RREB1: variants seen among roughly 807,000 people sequenced by gnomAD.
RREB1 encodes ras responsive element binding protein 1, also known as ras-responsive element-binding protein 1.
A neutral mutation model predicts 117.8 loss-of-function variants in RREB1; 27 were observed. That is an observed-to-expected ratio of 0.23 (90% CI 0.17 to 0.32). The LOEUF (loss-of-function observed/expected upper bound fraction) is 0.32, where lower values mean the gene tolerates loss of function less well. RREB1 is among the 10% of genes least tolerant of loss of function. The pLI, the probability that RREB1 is intolerant of heterozygous loss-of-function variation, is 1.00. For synonymous variants in RREB1, 1,298 were observed against 1,026.7 expected, an observed-to-expected ratio of 1.26 and a Z score of -5.05; for missense variants, 2,577 against 2,378.2, an observed-to-expected ratio of 1.08 and a Z score of -1.74.
At chr6:7,129,725 G>T (rs1762074705) in intron 1 of RREB1, among the ~76,000 whole-genome samples, 1 of 152,210 alleles carries the variant, frequency 6.6e-6, no homozygotes, top group African/African-American at 2.4e-5. Context: ...CCTTCGAGAG[G>T]GGTAACATCC....
chr6:7,209,401 T>G (rs926775865), intron 6 of RREB1, among the ~76,000 whole-genome samples: 2 of 152,168 alleles, frequency 1.3e-5, no homozygotes, highest in African/African-American at 4.8e-5. Context: ...CAGCCTTTCT[T>G]TTTTGCTCCT....
At chr6:7,206,292 G>A (rs1377606255) in intron 6 of RREB1, among the ~76,000 whole-genome samples, 1 of 152,194 alleles carries the variant, frequency 6.6e-6, no homozygotes, top group African/African-American at 2.4e-5. Context: ...AGTCCCTTCA[G>A]TGTGGCACTG....
At chr6:7,189,880 G>A (rs1204137209) in intron 6 of RREB1, among the ~76,000 whole-genome samples, 1 of 152,112 alleles carries the variant, frequency 6.6e-6, no homozygotes, top group Non-Finnish European at 1.5e-5. Context: ...ACAGTAGAGT[G>A]GTAGACATAT....
At chr6:7,201,602 T>C (rs1031913544) in intron 6 of RREB1, among the ~76,000 whole-genome samples, 2 of 149,032 alleles carry the variant, frequency 1.3e-5, no homozygotes, top group African/African-American at 2.5e-5. Flanking sequence ...ACCTTTGGCA[T>C]GTCTGTGTGC....
At chr6:7,222,466 C>T (rs1017829883) in intron 8 of RREB1, among the ~76,000 whole-genome samples, 1 of 152,168 alleles carries the variant, frequency 6.6e-6, no homozygotes, top group Non-Finnish European at 1.5e-5. Context: ...CCCACATCCC[C>T]CTACCACCCA....
intron 11 of RREB1, among the ~76,000 whole-genome samples, chr6:7,243,987 C>T (rs902745483): frequency 8.6e-5 from 13 of 152,000 alleles, no homozygotes; most frequent in African/African-American, 3.1e-4. Context: ...ACCAGTCGGG[C>T]GTGGTGGCGC....
rs9505071 is a variant in RREB1 at position 7,194,265 on chromosome 6, A to G, written c.425+4943A>G. ...TATAAATATTTTTTTAAAAGCAGGCATTGGCCGGGTACAGTGGATCACACC... is the reference window on the plus strand; with the variant it reads ...TATAAATATTTTTTTAAAAGCAGGCGTTGGCCGGGTACAGTGGATCACACC... On this transcript the variant is annotated intron_variant, in intron 6 of 12. Transcript: ENST00000379938. Among the ~76,000 whole-genome samples the G allele has an allele frequency of 6.5e-3, 991 of 152,236 alleles. 10 individuals carry two copies. Among genetic ancestry groups the G allele is most frequent in the African/African-American group, 0.022 (923 of 41,552 alleles).
chr6:7,181,958 C>T lies in RREB1; in HGVS notation c.47C>T (p.Ser16Phe). 1.2e-6 allele frequency: 2 copies of T among 1,614,184 alleles called. No individual in the cohort carries two copies. Among genetic ancestry groups the T allele is most frequent in the East Asian group, 2.2e-5 (1 of 44,886 alleles). ...PAGLEGSDLS[S>F]INTMMSAVMS... ...GGCTTGGAAGGTTCAGACCTATCTT[C>T]CATCAACACCATGATGTCGGCGGTC... The change falls in exon 4 of 13, where the codon TCC becomes TTC. Residue 16 changes from serine (S) to phenylalanine (F), a missense_variant. Physicochemically the swap from Ser to Phe is radical, Grantham distance 155. Transcript: ENST00000379938.
At chr6:7,212,922 A>G (rs1385586967) in intron 8 of RREB1, 1 of 152,244 alleles carries the variant, frequency 6.6e-6, no homozygotes, top group Non-Finnish European at 1.5e-5. Context: ...GAACTTACGA[A>G]GAATTTAAAC....
chr6:7,165,485 G>A (rs1319380482), intron 1 of RREB1, among the ~76,000 whole-genome samples: 1 of 152,142 alleles, frequency 6.6e-6, no homozygotes, highest in African/African-American at 2.4e-5. Flanking sequence ...AGCAGGACTT[G>A]GTTTCAAAAG....
chr6:7,131,319 TATTAA>T (rs1160758737), intron 1 of RREB1, among the ~76,000 whole-genome samples: 1 of 152,234 alleles, frequency 6.6e-6, no homozygotes, highest in African/African-American at 2.4e-5. Flanking sequence ...ACAACAGTCC[TATTAA>T]ATTGGTATAA....
chr6:7,126,019 T>TTTG (rs2113333913), intron 1 of RREB1, among the ~76,000 whole-genome samples: 1 of 104,872 alleles, frequency 9.5e-6, no homozygotes, highest in African/African-American at 2.8e-5. Flanking sequence ...TTGTTTGTTT[T>TTTG]GAGACGGAGT....
intron 1 of RREB1, among the ~76,000 whole-genome samples, chr6:7,169,659 G>C (rs890999627): frequency 7.2e-5 from 11 of 152,180 alleles, no homozygotes; most frequent in African/African-American, 2.7e-4. Context: ...AGGAAGACAT[G>C]CTCCCTGGAG....
At chr6:7,153,153 CCA>C (rs1166544599) in intron 1 of RREB1, among the ~76,000 whole-genome samples, 2 of 115,722 alleles carry the variant, frequency 1.7e-5, no homozygotes, top group African/African-American at 6.6e-5. Context: ...ATGTTTCATT[CCA>C]CAGTCTGGTA....
At chr6:7,181,066 C>G (rs1764769989) in intron 2 of RREB1, 58 bp from the exon 3 acceptor site, 1 of 397,096 alleles carries the variant, frequency 2.5e-6, no homozygotes, top group African/African-American at 2.1e-5. Flanking sequence ...TAAATGATTT[C>G]AGTTTTTTCT....
At chr6:7,125,017 A>G (rs1761848032) in intron 1 of RREB1, among the ~76,000 whole-genome samples, 1 of 152,216 alleles carries the variant, frequency 6.6e-6, no homozygotes, top group Non-Finnish European at 1.5e-5. Context: ...CATCGAGGGG[A>G]AAACTGTTCT....
At chr6:7,234,852 T>C (rs1561801825) in intron 10 of RREB1, among the ~76,000 whole-genome samples, 1 of 152,202 alleles carries the variant, frequency 6.6e-6, no homozygotes, top group South Asian at 2.1e-4. Flanking sequence ...CAGGGTCCGG[T>C]TCTGTGCAAC....
chr6:7,118,026 A>C (rs544522923), intron 1 of RREB1, among the ~76,000 whole-genome samples: 2 of 152,386 alleles, frequency 1.3e-5, no homozygotes, highest in South Asian at 2.1e-4. Context: ...ACTAGAGTTT[A>C]GGCTCAGATT....
chr6:7,120,813 A>AT (rs754044532), intron 1 of RREB1, among the ~76,000 whole-genome samples: 6,268 of 109,554 alleles, frequency 0.057, 293 homozygotes, highest in African/African-American at 0.084. Flanking sequence ...CGCTTGGCTA[A>AT]TTTTTTTTTT....
Sources: allele counts gnomAD v4.1 joint callset (sites outside exome capture counted in the v4.1 genomes callset), GRCh38; gene constraint gnomAD v4.1.1; transcripts MANE v1.5; gene names NCBI Gene and HGNC (gene_info 2026-07-23, HGNC 2026-07-21).